L3MBTL4: variants seen among roughly 807,000 people sequenced by gnomAD.
L3MBTL4 encodes lethal(3)malignant brain tumor-like protein 4.
Under a neutral mutation model 84.5 loss-of-function variants are expected in L3MBTL4, and 70 were observed. The observed-to-expected ratio is 0.83, with a 90% CI of 0.68 to 1.01. The LOEUF (loss-of-function observed/expected upper bound fraction) is 1.01. Ranked by LOEUF, L3MBTL4 falls within the 50% of genes least tolerant of loss-of-function variation. The pLI is 0.00. For synonymous variants in L3MBTL4, 274 were observed against 259.8 expected, an observed-to-expected ratio of 1.05 and a Z score of -0.52; for missense variants, 715 against 754.8, an observed-to-expected ratio of 0.95 and a Z score of 0.62.
At chr18:6,108,810 AAC>A (rs1223082882) in intron 14 of L3MBTL4, among the ~76,000 whole-genome samples, 1 of 152,208 alleles carries the variant, frequency 6.6e-6, no homozygotes, top group Non-Finnish European at 1.5e-5. Flanking sequence ...AATTAAAAAT[AAC>A]ACAAAAAAAC....
intron 13 of L3MBTL4, among the ~76,000 whole-genome samples, chr18:6,143,073 A>T (rs2060245640): frequency 6.6e-6 from 1 of 152,198 alleles, no homozygotes; most frequent in Non-Finnish European, 1.5e-5. Context: ...AAAAAAACAA[A>T]AAATACTCTC....
At chr18:6,124,328 G>A (rs1303104666) in intron 14 of L3MBTL4, among the ~76,000 whole-genome samples, 1 of 151,174 alleles carries the variant, frequency 6.6e-6, no homozygotes. Flanking sequence ...TACAAAGGAG[G>A]ACATTAGTCT....
intron 12 of L3MBTL4, among the ~76,000 whole-genome samples, chr18:6,206,694 C>G (rs2145721816): frequency 6.6e-6 from 1 of 152,252 alleles, no homozygotes; most frequent in Non-Finnish European, 1.5e-5. Flanking sequence ...GGCTTGGCTA[C>G]TTTCACACTG....
chr18:6,012,691 T>C (rs532970889), intron 16 of L3MBTL4, among the ~76,000 whole-genome samples: 46 of 151,206 alleles, frequency 3.0e-4, no homozygotes, highest in African/African-American at 1.0e-3. Flanking sequence ...ATTAGCCGAT[T>C]GAGCCCAGGA....
intron 16 of L3MBTL4, among the ~76,000 whole-genome samples, chr18:5,981,047 C>T (rs2053186620): frequency 6.6e-6 from 1 of 152,176 alleles, no homozygotes; most frequent in East Asian, 1.9e-4. Context: ...GGAGGCCCTC[C>T]TGCCTGTTTT....
intron 13 of L3MBTL4, among the ~76,000 whole-genome samples, chr18:6,153,876 A>G (rs537592035): frequency 2.0e-5 from 3 of 152,330 alleles, no homozygotes; most frequent in South Asian, 4.1e-4. Context: ...CTCCTCAGCC[A>G]TGCAGAACTG....
At chr18:6,130,140 G>A (rs1366734605) in intron 14 of L3MBTL4, among the ~76,000 whole-genome samples, 1 of 152,118 alleles carries the variant, frequency 6.6e-6, no homozygotes, top group Non-Finnish European at 1.5e-5. Context: ...ATGAAGAAAT[G>A]AAGTTAGGAA....
chr18:6,413,900 AG>A (rs2144784838), intron 1 of L3MBTL4: 1 of 152,418 alleles, frequency 6.6e-6, no homozygotes, highest in South Asian at 2.1e-4. Flanking sequence ...TGTAAGATAA[AG>A]CACACTTCGC....
At chr18:6,243,197 A>G in intron 7 of L3MBTL4, 97 bp downstream of exon 7, 1 of 1,138,796 alleles carries the variant, frequency 8.8e-7, no homozygotes, top group Non-Finnish European at 1.2e-6. Flanking sequence ...ATCAATCCAC[A>G]CCAGGATCTC....
chr18:6,160,334 A>G (rs2043274538), intron 13 of L3MBTL4, among the ~76,000 whole-genome samples: 1 of 152,126 alleles, frequency 6.6e-6, no homozygotes, highest in East Asian at 1.9e-4. Context: ...TTGCAAGTCA[A>G]CAGTGTTGCA....
chr18:6,130,156 G>C lies in L3MBTL4; in HGVS notation c.1199+8038C>G, dbSNP rs146934128. ...TGAAGAAATGAAGTTAGGAATAGTGGGGCGATTTGCCTCATACTGCAGAGT... is the reference window on the plus strand; with the variant it reads ...TGAAGAAATGAAGTTAGGAATAGTGCGGCGATTTGCCTCATACTGCAGAGT... On this transcript the variant is annotated intron_variant, in intron 14 of 18. Coordinates refer to ENST00000317931, the MANE Select transcript of L3MBTL4 (RefSeq NM_001330559.2). Among the ~76,000 whole-genome samples, 55 of 152,196 alleles carry C rather than the reference G, an allele frequency of 3.6e-4. 3 individuals carry two copies. The East Asian group carries it at 0.011, about 29-fold the overall frequency.
chr18:6,094,702 T>A (rs954791249), intron 14 of L3MBTL4, among the ~76,000 whole-genome samples: 45 of 151,966 alleles, frequency 3.0e-4, no homozygotes, highest in African/African-American at 1.0e-3. Flanking sequence ...CTAGAACAGA[T>A]TTCTGGTCCA....
chr18:5,969,590 C>T (rs2052534139), intron 16 of L3MBTL4, 28 bp from the exon 17 acceptor site: 2 of 1,567,010 alleles, frequency 1.3e-6, no homozygotes, highest in East Asian at 2.3e-5. Context: ...TGGGGTGAGG[C>T]TCAGGCTCCC....
At chr18:6,326,317 A>G (rs1012783606) in intron 1 of L3MBTL4, 6 of 152,256 alleles carry the variant, frequency 3.9e-5, no homozygotes, top group African/African-American at 1.4e-4. Flanking sequence ...GACAGAAACA[A>G]AGTGATCAAG....
At chr18:6,302,592 C>G (rs1439452833) in intron 3 of L3MBTL4, among the ~76,000 whole-genome samples, 1 of 152,220 alleles carries the variant, frequency 6.6e-6, no homozygotes, top group Admixed American at 6.5e-5. Context: ...GTGGCTTTCT[C>G]TTTTGAAAGA....
chr18:6,107,533 C>G (rs759202085), intron 14 of L3MBTL4, among the ~76,000 whole-genome samples: 1 of 152,096 alleles, frequency 6.6e-6, no homozygotes, highest in Non-Finnish European at 1.5e-5. Context: ...TGAACACACT[C>G]TACAAAAATA....
At chr18:6,137,200 T>C (rs1021479565) in intron 14 of L3MBTL4, among the ~76,000 whole-genome samples, 1 of 152,196 alleles carries the variant, frequency 6.6e-6, no homozygotes, top group African/African-American at 2.4e-5. Context: ...ACATTCACAG[T>C]CTGAGTCCCA....
chr18:6,271,816 C>A (rs1478031188), intron 4 of L3MBTL4, among the ~76,000 whole-genome samples: 1 of 152,052 alleles, frequency 6.6e-6, no homozygotes, highest in Non-Finnish European at 1.5e-5. Context: ...TTTCACGGGG[C>A]AGGGAGATCA....
At chr18:6,342,525 G>C (rs1568522834) in intron 1 of L3MBTL4, among the ~76,000 whole-genome samples, 2 of 152,206 alleles carry the variant, frequency 1.3e-5, no homozygotes, top group South Asian at 4.1e-4. Flanking sequence ...TGCTGTAACT[G>C]TAAGTGTTTT....
Sources: allele counts gnomAD v4.1 joint callset (sites outside exome capture counted in the v4.1 genomes callset), GRCh38; gene constraint gnomAD v4.1.1; transcripts MANE v1.5; gene names NCBI Gene and HGNC (gene_info 2026-07-23, HGNC 2026-07-21).